Variants in NID1 observed in about 807,000 individuals in gnomAD.
NID1 encodes the protein nidogen 1.
NID1 carries 76 observed loss-of-function variants against 130.6 expected under a neutral mutation model. That is an observed-to-expected ratio of 0.58 (90% CI 0.48 to 0.70). The LOEUF is 0.70. NID1 is among the 30% of genes least tolerant of loss of function. The pLI is 0.00. For synonymous variants in NID1, 665 were observed against 675.1 expected (o/e 0.98, Z 0.23); for missense variants, 1,517 against 1,664.8 (o/e 0.91, Z 1.54).
chr1:236,048,737 C>T lies in NID1; in HGVS notation c.478G>A (p.Val160Met), dbSNP rs111493675. The change falls in exon 2 of 20, where the codon GTG (valine) becomes ATG (methionine). Residue 160 changes from valine (V) to methionine (M), a missense_variant. This residue lies in a region of NID1 where 1,329 missense variants were observed against 1,429.2 expected (regional missense o/e 0.93). Transcript: ENST00000264187. ...CTGCTGGGCCCTTGGTAGGGGGCCACGGATTCCCAAGTGACAACCACCGCG... is the reference window on the plus strand; with the variant it reads ...CTGCTGGGCCCTTGGTAGGGGGCCATGGATTCCCAAGTGACAACCACCGCG... ...SSAVVVTWESVAPYQGPSRDP... is the reference protein window; with the variant it reads ...SSAVVVTWESMAPYQGPSRDP... 1,821 of 1,612,698 alleles carry T rather than the reference C, an allele frequency of 1.1e-3. 14 individuals carry two copies. The African/African-American group carries it at 0.016, about 14-fold the overall frequency.
rs766428952 is a variant in NID1, at chr1:236,032,532, G to C, written c.1406C>G (p.Ser469Cys). 6.2e-7 allele frequency: 1 copy of C among 1,614,044 alleles called. No homozygotes were observed. The highest frequency in any genetic ancestry group is 2.2e-5 in the East Asian group (1 of 44,890). The change falls in exon 6 of 20, where the codon TCC (serine) becomes TGC (cysteine). Residue 469 changes from serine to cysteine, a missense_variant. Coordinates refer to ENST00000264187, the MANE Select transcript of NID1 (RefSeq NM_002508.3). Reference protein sequence around the residue: ...HSYVVMNHGRSYTAISTIPET... With the variant: ...HSYVVMNHGRCYTAISTIPET... The stretch of plus-strand genomic sequence containing the variant: ...GGGAATGGTGCTGATGGCTGTGTAG[G>C]AGCGCCCGTGGTTCATTACTACGTA...
At chr1:236,007,406 G>A (rs370910194) in intron 12 of NID1, among the ~76,000 whole-genome samples, 4 of 152,108 alleles carry the variant, frequency 2.6e-5, no homozygotes, top group Non-Finnish European at 5.9e-5. Context: ...TATGGTGGCC[G>A]ACCTCCAAGA....
chr1:236,029,618 G>A lies in NID1; in HGVS notation c.1670C>T (p.Pro557Leu), dbSNP rs776225011. Residue 557 changes from proline to leucine, a missense_variant, in exon 7 of 20, where the codon CCG becomes CTG. Pro to Leu is a moderately conservative substitution (Grantham distance 98, BLOSUM62 -3). Coordinates refer to ENST00000264187, the MANE Select transcript of NID1 (RefSeq NM_002508.3). ...TIDTELEGRV[P>L]QIPFGSSVHI... ...CACGGAGGAGCCGAACGGAATCTGC[G>A]GCACGCGGCCCTCCAGCTCCGTGTC... 8.1e-6 allele frequency: 13 copies of A among 1,605,310 alleles called. No homozygotes were observed. Among genetic ancestry groups the A allele is most frequent in the African/African-American group, 6.7e-5 (5 of 74,820 alleles).
intron 4 of NID1, among the ~76,000 whole-genome samples, chr1:236,039,026 T>C (rs1365147900): frequency 1.5e-5 from 2 of 129,768 alleles, no homozygotes; most frequent in African/African-American, 5.9e-5. Context: ...ATTTACATTA[T>C]ATTATATAAT....
At chr1:236,041,361 C>T (rs1367974863) in intron 4 of NID1, among the ~76,000 whole-genome samples, 3 of 152,034 alleles carry the variant, frequency 2.0e-5, no homozygotes, top group Admixed American at 1.3e-4. Context: ...CCACCACCCC[C>T]GACCCTATTT....
intron 12 of NID1, among the ~76,000 whole-genome samples, chr1:236,007,583 C>T (rs1172947226): frequency 6.6e-6 from 1 of 152,204 alleles, no homozygotes; most frequent in Non-Finnish European, 1.5e-5. Context: ...CTCTCTTTCT[C>T]TCTCTCTCTC....
intron 3 of NID1, among the ~76,000 whole-genome samples, chr1:236,042,795 C>A (rs1414216503): frequency 8.6e-6 from 1 of 116,504 alleles, no homozygotes; most frequent in Non-Finnish European, 1.8e-5. Flanking sequence ...ATAAGAGTGT[C>A]TTTTGTAGGC....
intron 12 of NID1, among the ~76,000 whole-genome samples, chr1:235,999,987 G>C (rs2102806786): frequency 6.6e-6 from 1 of 152,314 alleles, no homozygotes; most frequent in East Asian, 1.9e-4. Flanking sequence ...GCTGAGGCGG[G>C]TGGATCACTT....
intron 16 of NID1, among the ~76,000 whole-genome samples, chr1:235,981,196 G>A (rs954946400): frequency 3.9e-5 from 6 of 152,210 alleles, no homozygotes; most frequent in Non-Finnish European, 7.3e-5. Context: ...GAGAAAGCAT[G>A]GATGTGCCGA....
intron 1 of NID1, among the ~76,000 whole-genome samples, chr1:236,063,482 ATAAAT>A (rs755950676): frequency 2.5e-4 from 36 of 141,752 alleles, no homozygotes; most frequent in African/African-American, 8.1e-4. Context: ...AAAAAAAAAA[ATAAAT>A]AAATAAATAA....
Position 236,029,793 on chromosome 1 carries a change from G to A in NID1, c.1538-43C>T, listed in dbSNP as rs73115261. ...ACTGTCACTTTGCTGACTGGGGAGC[G>A]CGCCCTTCTGCCCGCCCCAGGCTCA... On this transcript the variant is annotated intron_variant, in intron 6 of 19. Coordinates refer to ENST00000264187, the MANE Select transcript of NID1 (RefSeq NM_002508.3). 1.9e-3 allele frequency: 3,003 copies of A among 1,593,060 alleles called. 49 individuals are homozygous for A. The African/African-American group carries it at 0.031, about 17-fold the overall frequency.
chr1:236,030,564 T>G (rs908145290), intron 6 of NID1, among the ~76,000 whole-genome samples: 1 of 152,246 alleles, frequency 6.6e-6, no homozygotes, highest in South Asian at 2.1e-4. Flanking sequence ...AACACAGCCA[T>G]GCTCATTCAT....
chr1:236,019,771 G>C (rs1658699899), intron 9 of NID1, among the ~76,000 whole-genome samples: 1 of 152,162 alleles, frequency 6.6e-6, no homozygotes. Context: ...ACCAGGCACG[G>C]TGGCTCAGGC....
At chr1:236,061,615 G>A (rs1380344862) in intron 1 of NID1, among the ~76,000 whole-genome samples, 1 of 151,898 alleles carries the variant, frequency 6.6e-6, no homozygotes, top group Non-Finnish European at 1.5e-5. Flanking sequence ...ACAGGTGCAC[G>A]CCACCACACC....
intron 9 of NID1, 131 bp downstream of exon 9, chr1:236,023,939 G>C (rs1658844350): frequency 2.5e-6 from 3 of 1,192,992 alleles, no homozygotes; most frequent in Admixed American, 4.5e-5. Context: ...AATAATTCAG[G>C]CCTGGCATGT....
intron 8 of NID1, 141 bp from the exon 9 acceptor site, chr1:236,024,354 C>T (rs1658861365): frequency 9.2e-6 from 9 of 980,092 alleles, no homozygotes; most frequent in Non-Finnish European, 1.3e-5. Context: ...CAGCCAATTC[C>T]TGTGTTGCCC....
At chr1:236,054,292 C>T (rs1462623403) in intron 1 of NID1, among the ~76,000 whole-genome samples, 1 of 152,086 alleles carries the variant, frequency 6.6e-6, no homozygotes, top group Non-Finnish European at 1.5e-5. Context: ...CCTGTGTCTA[C>T]TAAAAATACA....
At chr1:236,062,029 T>C (rs2102854870) in intron 1 of NID1, among the ~76,000 whole-genome samples, 1 of 151,880 alleles carries the variant, frequency 6.6e-6, no homozygotes, top group Non-Finnish European at 1.5e-5. Flanking sequence ...TTCCTCAAAA[T>C]ATTAAACATA....
chr1:236,020,140 C>G (rs1658721461), intron 9 of NID1, among the ~76,000 whole-genome samples: 1 of 151,266 alleles, frequency 6.6e-6, no homozygotes, highest in Non-Finnish European at 1.5e-5. Context: ...CAATAACTGT[C>G]TCTCATAACA....
Sources: allele counts gnomAD v4.1 joint callset (sites outside exome capture counted in the v4.1 genomes callset), GRCh38; gene constraint gnomAD v4.1.1; regional missense constraint gnomAD v4.1.1; transcripts MANE v1.5; gene names NCBI Gene and HGNC (gene_info 2026-07-23, HGNC 2026-07-21).